Variants in GPC6 observed in about 807,000 individuals in gnomAD.
GPC6 encodes the protein glypican-6.
In GPC6, 14 loss-of-function variants were observed where a neutral mutation model predicts 55.2. That is an observed-to-expected ratio of 0.25 (90% CI 0.17 to 0.40). The LOEUF (loss-of-function observed/expected upper bound fraction) is 0.40. GPC6 is among the 10% of genes least tolerant of loss of function. GPC6 has a pLI of 1.00. For missense variants in GPC6, 641 were observed against 708.5 expected (o/e 0.90, Z 1.08); for synonymous variants, 278 against 259.6 (o/e 1.07, Z -0.68).
intron 4 of GPC6, among the ~76,000 whole-genome samples, chr13:94,040,178 T>TGC (rs1449619622): frequency 2.6e-5 from 4 of 151,812 alleles, no homozygotes; most frequent in African/African-American, 9.7e-5. Context: ...GATTTTAAGC[T>TGC]GAAGCATGAA....
intron 2 of GPC6, among the ~76,000 whole-genome samples, chr13:93,655,141 G>A (rs903319249): frequency 1.3e-5 from 2 of 151,160 alleles, no homozygotes; most frequent in Non-Finnish European, 2.9e-5. Context: ...GAGCCACCGC[G>A]CCCGGCCCAT....
intron 2 of GPC6, among the ~76,000 whole-genome samples, chr13:93,698,021 A>C (rs1008994878): frequency 6.6e-6 from 1 of 152,180 alleles, no homozygotes; most frequent in Non-Finnish European, 1.5e-5. Context: ...TAATTGTATT[A>C]CTTGTCAAAT....
intron 2 of GPC6, among the ~76,000 whole-genome samples, chr13:93,620,153 T>C (rs9561414): frequency 0.07 from 10,613 of 152,204 alleles, 1,201 homozygotes; most frequent in African/African-American, 0.23. Flanking sequence ...TCACAAATCG[T>C]TTAGTAAGAT....
chr13:93,589,879 GATA>G (rs1877382156), intron 2 of GPC6, among the ~76,000 whole-genome samples: 1 of 152,150 alleles, frequency 6.6e-6, no homozygotes. Context: ...CATTTAAGGG[GATA>G]AAACACTTAT....
At chr13:94,312,502 C>G (rs1206185519) in intron 6 of GPC6, among the ~76,000 whole-genome samples, 1 of 152,194 alleles carries the variant, frequency 6.6e-6, no homozygotes, top group East Asian at 1.9e-4. Flanking sequence ...AGGAAACTGT[C>G]TGTTGTTCAT....
At chr13:93,655,096 G>A (rs940451135) in intron 2 of GPC6, among the ~76,000 whole-genome samples, 2 of 139,418 alleles carry the variant, frequency 1.4e-5, no homozygotes, top group African/African-American at 5.3e-5. Context: ...TGATCCACCC[G>A]CCTCGGCCTC....
intron 3 of GPC6, among the ~76,000 whole-genome samples, chr13:93,992,507 A>G (rs1407041529): frequency 6.6e-6 from 1 of 152,146 alleles, no homozygotes; most frequent in Non-Finnish European, 1.5e-5. Flanking sequence ...AAGCAATTAG[A>G]GAAGTTTGTT....
At chr13:93,263,378 T>C (rs1877216075) in intron 1 of GPC6, among the ~76,000 whole-genome samples, 1 of 152,174 alleles carries the variant, frequency 6.6e-6, no homozygotes, top group Admixed American at 6.5e-5. Context: ...TTTTGTTTTT[T>C]TCTGAGATGG....
intron 4 of GPC6, among the ~76,000 whole-genome samples, chr13:94,235,973 C>A (rs1365396018): frequency 6.6e-6 from 1 of 152,172 alleles, no homozygotes; most frequent in East Asian, 1.9e-4. Flanking sequence ...GTATTAATAA[C>A]AACTAAAGAA....
At position 93,522,185 on chromosome 13, in the gene GPC6, T is replaced by A. The variant is rs369429615; in HGVS notation, c.161-23078T>A. ...TATGGGGTCTCTGCGCCTGTCATTA[T>A]CTTTGAGCTATTTTACAACTCTGTT... On this transcript the variant is annotated intron_variant, in intron 1 of 8. Transcript: ENST00000377047. Among the ~76,000 whole-genome samples, 31 of 151,982 alleles carry A rather than the reference T, an allele frequency of 2.0e-4. 1 individual carries two copies. Among genetic ancestry groups the A allele is most frequent in the African/African-American group, 6.3e-4 (26 of 41,418 alleles).
intron 2 of GPC6, among the ~76,000 whole-genome samples, chr13:93,739,207 T>C (rs1884113356): frequency 6.6e-6 from 1 of 151,950 alleles, no homozygotes. Context: ...TCTCCCACAA[T>C]GGACTTTCCC....
At chr13:94,362,212 C>G (rs1347710350) in intron 6 of GPC6, among the ~76,000 whole-genome samples, 2 of 152,082 alleles carry the variant, frequency 1.3e-5, no homozygotes, top group Non-Finnish European at 2.9e-5. Flanking sequence ...GTAAAAGGAC[C>G]TATCGGGGGA....
At position 93,440,671 on chromosome 13, in the gene GPC6, G is replaced by T. The variant is rs189750138; in HGVS notation, c.161-104592G>T. Among the ~76,000 whole-genome samples, 454 of 142,996 alleles carry T rather than the reference G, an allele frequency of 3.2e-3. 3 individuals are homozygous for T. Among genetic ancestry groups the T allele is most frequent in the African/African-American group, 0.011 (437 of 39,050 alleles). The allele number at this position is 142,996 out of a possible 152,430, so 93.8% of individuals were successfully genotyped here. Reference sequence around the variant, plus strand: ...TTTATTTTTACAGCATGCAAGTCTTGCATTTATTTATTTTTTTAATTATAC... The same window carrying T: ...TTTATTTTTACAGCATGCAAGTCTTTCATTTATTTATTTTTTTAATTATAC... On this transcript the variant is annotated intron_variant, in intron 1 of 8. Coordinates refer to ENST00000377047, the MANE Select transcript of GPC6 (RefSeq NM_005708.5).
chr13:94,064,047 T>G (rs1189206550), intron 4 of GPC6, among the ~76,000 whole-genome samples: 2 of 152,156 alleles, frequency 1.3e-5, no homozygotes, highest in African/African-American at 4.8e-5. Context: ...AGCTGTCAAG[T>G]TAGTATGGTT....
chr13:94,300,217 C>A (rs1345188638), intron 5 of GPC6, among the ~76,000 whole-genome samples: 3 of 152,008 alleles, frequency 2.0e-5, no homozygotes, highest in Non-Finnish European at 4.4e-5. Context: ...TTCAGGTTAC[C>A]AGTAGTGACT....
rs138734207 is a variant in GPC6 at position 94,402,973 on chromosome 13, A to G, written c.1466-42A>G. The G allele has an allele frequency of 1.4e-4, 187 of 1,378,462 alleles. No homozygotes were observed. In the African/African-American group the frequency reaches 2.4e-3, roughly 18 times the overall value. The allele number at this position is 1,378,462 out of a possible 1,614,324, so 85.4% of individuals were successfully genotyped here. On this transcript the variant is annotated intron_variant, in intron 8 of 8. Coordinates refer to ENST00000377047, the MANE Select transcript of GPC6 (RefSeq NM_005708.5). ...TTGGGTGGGGCCACAAAGCCTAAAC[A>G]TATCAGTGGTCTAACTTTCTTTTTC...
At chr13:94,233,616 A>G (rs981140615) in intron 4 of GPC6, among the ~76,000 whole-genome samples, 28 of 152,116 alleles carry the variant, frequency 1.8e-4, no homozygotes, top group Non-Finnish European at 3.7e-4. Context: ...GCGTCTCCAC[A>G]CTGTCTTCCC....
intron 6 of GPC6, among the ~76,000 whole-genome samples, chr13:94,320,864 T>A (rs1025575738): frequency 1.3e-5 from 2 of 152,232 alleles, no homozygotes; most frequent in Non-Finnish European, 2.9e-5. Context: ...AAAATACACA[T>A]GGAGGCATGT....
intron 3 of GPC6, among the ~76,000 whole-genome samples, chr13:93,832,733 A>C (rs1003743628): frequency 6.6e-6 from 1 of 152,118 alleles, no homozygotes; most frequent in Non-Finnish European, 1.5e-5. Flanking sequence ...TGTTGACCAA[A>C]GTCTAACACG....
Sources: gnomAD v4.1 joint callset for allele counts (sites outside exome capture counted in the v4.1 genomes callset) on GRCh38, gnomAD v4.1.1 for gene constraint, MANE v1.5 for transcripts, NCBI Gene and HGNC (gene_info 2026-07-23, HGNC 2026-07-21) for gene names.